Variants in SLIT2 observed in about 807,000 individuals in gnomAD.
SLIT2 encodes slit guidance ligand 2.
A neutral mutation model predicts 185.7 loss-of-function variants in SLIT2; 41 were observed. The ratio of observed to expected loss-of-function variants is 0.22; its 90% CI spans 0.17 to 0.29. The LOEUF (loss-of-function observed/expected upper bound fraction) is 0.29. Ranked by LOEUF, SLIT2 falls within the 10% of genes least tolerant of loss-of-function variation. The probability of loss-of-function intolerance (pLI) is 1.00; values close to 1 mark genes in which losing one functional copy is unlikely to be tolerated. For synonymous variants in SLIT2, 693 were observed against 680.2 expected (o/e 1.02, Z -0.29); for missense variants, 1,571 against 1,909.0 (o/e 0.82, Z 3.30).
chr4:20,253,942 G>C lies in SLIT2; in HGVS notation c.127G>C (p.Gly43Arg). ...CTCGGGCAGCACAGTGGACTGTCACGGGCTGGCGCTGCGCAGCGTGCCCAG... is the reference window on the plus strand; with the variant it reads ...CTCGGGCAGCACAGTGGACTGTCACCGGCTGGCGCTGCGCAGCGTGCCCAG... ...SCSGSTVDCH[G>R]LALRSVPRNI... Residue 43 changes from glycine (G) to arginine (R), a missense_variant, in exon 1 of 37, where the codon GGG becomes CGG. By Grantham distance (125) the Gly-to-Arg change is moderately radical. This residue lies in a region of SLIT2 where 1,202 missense variants were observed against 1,416.4 expected (regional missense o/e 0.85). Transcript: ENST00000504154. The C allele has an allele frequency of 3.1e-6, 5 of 1,602,944 alleles. No homozygotes were observed. The highest frequency in any genetic ancestry group is 4.2e-6 in the Non-Finnish European group (5 of 1,179,904).
In SLIT2 at chr4:20,550,310, A is replaced by G. The variant is rs540512119; in HGVS notation, c.2490-517A>G. Among the ~76,000 whole-genome samples, 7 of 151,618 alleles carry G rather than the reference A, an allele frequency of 4.6e-5. No homozygotes were observed. In the South Asian group the frequency reaches 1.2e-3, roughly 27 times the overall value. Reference sequence around the variant, plus strand: ...TTCCCCATTTTCTGTTGGGTACTTTATATTTTCCTTATTAATGTAGATATC... The same window carrying G: ...TTCCCCATTTTCTGTTGGGTACTTTGTATTTTCCTTATTAATGTAGATATC... On this transcript the variant is annotated intron_variant, in intron 24 of 36. Coordinates refer to ENST00000504154, the MANE Select transcript of SLIT2 (RefSeq NM_004787.4).
At chr4:20,483,134 A>C (rs1716877849) in intron 6 of SLIT2, among the ~76,000 whole-genome samples, 3 of 152,062 alleles carry the variant, frequency 2.0e-5, no homozygotes, top group Non-Finnish European at 4.4e-5. Context: ...CTTAAATTTC[A>C]GATTCCAAGG....
At chr4:20,569,125 A>T (rs745795713) in intron 29 of SLIT2, 121 bp downstream of exon 29, 1 of 810,214 alleles carries the variant, frequency 1.2e-6, no homozygotes, top group South Asian at 1.5e-5. Flanking sequence ...GTGTCTTGAA[A>T]ATCAGATGTA....
intron 4 of SLIT2, among the ~76,000 whole-genome samples, chr4:20,395,297 T>A (rs1466069852): frequency 6.6e-6 from 1 of 151,894 alleles, no homozygotes; most frequent in Non-Finnish European, 1.5e-5. Flanking sequence ...ACACAGAGAT[T>A]TGGAGTATGG....
intron 9 of SLIT2, among the ~76,000 whole-genome samples, chr4:20,510,131 AATAG>A (rs761773708): frequency 5.9e-5 from 9 of 152,088 alleles, no homozygotes; most frequent in Non-Finnish European, 1.0e-4. Context: ...TAAAATATGT[AATAG>A]ATCTATTCAG....
chr4:20,519,857 C>G (rs1038405613), intron 12 of SLIT2, among the ~76,000 whole-genome samples: 1 of 151,402 alleles, frequency 6.6e-6, no homozygotes. Flanking sequence ...ACGGTGAAAC[C>G]CCATCTCTAC....
intron 9 of SLIT2, among the ~76,000 whole-genome samples, chr4:20,509,980 C>T (rs1291910680): frequency 6.6e-6 from 1 of 152,086 alleles, no homozygotes; most frequent in African/African-American, 2.4e-5. Context: ...AACATTTTGC[C>T]TCATAAGAAG....
intron 29 of SLIT2, among the ~76,000 whole-genome samples, chr4:20,575,849 C>T (rs1251738399): frequency 6.6e-6 from 1 of 151,858 alleles, no homozygotes; most frequent in Non-Finnish European, 1.5e-5. Context: ...TAAATTCCCC[C>T]CGAGAACTAG....
chr4:20,586,132 C>T (rs1259406371), intron 29 of SLIT2, among the ~76,000 whole-genome samples: 1 of 152,126 alleles, frequency 6.6e-6, no homozygotes, highest in East Asian at 1.9e-4. Context: ...CTGTTGCACT[C>T]TTTTGAAAGC....
At chr4:20,391,113 G>T (rs79851392) in intron 4 of SLIT2, among the ~76,000 whole-genome samples, 1 of 152,006 alleles carries the variant, frequency 6.6e-6, no homozygotes, top group Admixed American at 6.6e-5. Flanking sequence ...AGGCCAAAGA[G>T]CCTTTTTGTA....
intron 4 of SLIT2, among the ~76,000 whole-genome samples, chr4:20,347,826 G>C (rs768375743): frequency 2.0e-5 from 3 of 152,160 alleles, no homozygotes; most frequent in Non-Finnish European, 4.4e-5. Context: ...GAGAAGTAAA[G>C]CTCATAGATA....
At chr4:20,309,158 G>A (rs190363962) in intron 4 of SLIT2, among the ~76,000 whole-genome samples, 39 of 152,000 alleles carry the variant, frequency 2.6e-4, no homozygotes, top group Admixed American at 1.2e-3. Context: ...TTGAAATAAC[G>A]TTTGCCAAAA....
At chr4:20,475,825 C>G (rs1360185826) in intron 5 of SLIT2, among the ~76,000 whole-genome samples, 1 of 152,146 alleles carries the variant, frequency 6.6e-6, no homozygotes, top group Non-Finnish European at 1.5e-5. Context: ...GGTTCCCTCC[C>G]CATCTCTACT....
At chr4:20,463,460 T>G (rs1037861023) in intron 4 of SLIT2, among the ~76,000 whole-genome samples, 651 of 62,168 alleles carry the variant, frequency 0.01, 10 homozygotes, top group East Asian at 0.026. Flanking sequence ...TATATATATA[T>G]ATATATATAT....
intron 4 of SLIT2, among the ~76,000 whole-genome samples, chr4:20,380,495 A>G (rs576408848): frequency 1.2e-3 from 180 of 152,286 alleles, no homozygotes; most frequent in African/African-American, 3.8e-3. Context: ...AGAATAAGAG[A>G]CAAAGATGAT....
Position 20,485,845 on chromosome 4 carries a change from G to A in SLIT2, c.540-355G>A, listed in dbSNP as rs1039480684. ...CTAATTACACATAATGCCACTCTAC[G>A]GAAATGTAATTGGGCATATTTTCCA... On this transcript the variant is annotated intron_variant, in intron 6 of 36. Transcript: ENST00000504154. Among the ~76,000 whole-genome samples the A allele has an allele frequency of 3.3e-5, 5 of 152,124 alleles. 1 individual carries two copies. In the South Asian group the frequency reaches 6.2e-4, roughly 19 times the overall value.
At chr4:20,531,151 A>G (rs1721773074) in intron 16 of SLIT2, among the ~76,000 whole-genome samples, 1 of 152,196 alleles carries the variant, frequency 6.6e-6, no homozygotes, top group Non-Finnish European at 1.5e-5. Flanking sequence ...ACGACAACAT[A>G]TATCCAGGCA....
At chr4:20,614,604 C>T (rs1729500183) in intron 34 of SLIT2, among the ~76,000 whole-genome samples, 1 of 151,362 alleles carries the variant, frequency 6.6e-6, no homozygotes, top group Admixed American at 6.6e-5. Context: ...ATGGAGAAAC[C>T]TGGTCTCTAC....
At chr4:20,353,539 AAG>A (rs1722053659) in intron 4 of SLIT2, among the ~76,000 whole-genome samples, 1 of 152,176 alleles carries the variant, frequency 6.6e-6, no homozygotes. Flanking sequence ...AAAAAACAAA[AAG>A]CGGTTATTTT....
Sources: allele counts gnomAD v4.1 joint callset (sites outside exome capture counted in the v4.1 genomes callset), GRCh38; gene constraint gnomAD v4.1.1; regional missense constraint gnomAD v4.1.1; transcripts MANE v1.5; gene names NCBI Gene and HGNC (gene_info 2026-07-23, HGNC 2026-07-21).